Variants in PTPRD observed in about 807,000 individuals in gnomAD.
PTPRD encodes receptor-type tyrosine-protein phosphatase delta.
In PTPRD, 34 loss-of-function variants were observed where a neutral mutation model predicts 214.5. The ratio of observed to expected loss-of-function variants is 0.16; its 90% CI spans 0.12 to 0.21. The LOEUF is 0.21. Ranked by LOEUF, PTPRD falls within the 10% of genes least tolerant of loss-of-function variation. The pLI is 1.00. For synonymous variants in PTPRD, 1,128 were observed against 845.7 expected, an observed-to-expected ratio of 1.33 and a Z score of -5.79; for missense variants, 2,545 against 2,398.7, an observed-to-expected ratio of 1.06 and a Z score of -1.27.
intron 2 of PTPRD, among the ~76,000 whole-genome samples, chr9:10,381,639 C>G (rs1286065766): frequency 1.3e-5 from 2 of 151,964 alleles, no homozygotes; most frequent in Admixed American, 1.3e-4. Flanking sequence ...GGAGAGGGAT[C>G]ACTTTATTCT....
chr9:10,010,882 C>T (rs2096584166), intron 4 of PTPRD, among the ~76,000 whole-genome samples: 1 of 151,344 alleles, frequency 6.6e-6, no homozygotes, highest in Non-Finnish European at 1.5e-5. Context: ...AATAATTGTT[C>T]TAGTCAAAAG....
intron 10 of PTPRD, among the ~76,000 whole-genome samples, chr9:9,176,869 G>C (rs145936653): frequency 0.011 from 1,677 of 152,108 alleles, 21 homozygotes; most frequent in Non-Finnish European, 0.017. Context: ...CTCATGCGGG[G>C]GTATTGTGTT....
rs374337797 is a variant in PTPRD, at chr9:9,043,299, A to G, written c.-142-24564T>C. ...CTTATATTAACTGTAGGTCATTTTTAATACCTGATGCTACATCAACCCACA... is the reference window on the plus strand; with the variant it reads ...CTTATATTAACTGTAGGTCATTTTTGATACCTGATGCTACATCAACCCACA... On this transcript the variant is annotated intron_variant, in intron 10 of 45. Transcript: ENST00000381196. Among the ~76,000 whole-genome samples the G allele has an allele frequency of 3.9e-5, 6 of 152,286 alleles. No individual in the cohort carries two copies. In the South Asian group the frequency reaches 1.2e-3, roughly 32 times the overall value.
chr9:9,076,038 G>C (rs750787868), intron 10 of PTPRD, among the ~76,000 whole-genome samples: 7 of 152,108 alleles, frequency 4.6e-5, no homozygotes, highest in Non-Finnish European at 1.0e-4. Flanking sequence ...CAGTGTAAAA[G>C]TGTTCCTATT....
rs71317383 is a variant in PTPRD, at chr9:8,933,340, GTTTTTTTTTT to G, written c.-104+85347_-104+85356del. On this transcript the variant is annotated intron_variant, in intron 11 of 45. Coordinates refer to ENST00000381196, the MANE Select transcript of PTPRD (RefSeq NM_002839.4). ...CCATCTTGCCAGCCACAACCTTGAG[GTTTTTTTTTT>G]TTTTTTTTTTTTTACATAAAAGGAC... Among the ~76,000 whole-genome samples the G allele has an allele frequency of 5.0e-5, 4 of 80,440 alleles. 1 individual carries two copies. The South Asian group carries it at 2.1e-3, about 42-fold the overall frequency. The allele number at this position is 80,440 out of a possible 152,430, so 52.8% of individuals were successfully genotyped here. A position where few individuals can be genotyped will look rare whatever the true frequency, so the allele number is the denominator to read the frequency against.
intron 2 of PTPRD, among the ~76,000 whole-genome samples, chr9:10,373,050 C>T (rs1358933782): frequency 6.6e-6 from 1 of 150,824 alleles, no homozygotes; most frequent in Non-Finnish European, 1.5e-5. Flanking sequence ...CCAGACTGGT[C>T]TCAAACTCCT....
rs75047924 is a variant in PTPRD, at chr9:10,127,897, A to G, written c.-544-94107T>C. On this transcript the variant is annotated intron_variant, in intron 3 of 45. Coordinates refer to ENST00000381196, the MANE Select transcript of PTPRD (RefSeq NM_002839.4). ...ATTCCCCGTCACTATCACAGAGATCAGTGGGGTATATAGGGTGTGGAGAAT... is the reference window on the plus strand; with the variant it reads ...ATTCCCCGTCACTATCACAGAGATCGGTGGGGTATATAGGGTGTGGAGAAT... Among the ~76,000 whole-genome samples the G allele has an allele frequency of 2.5e-3, 388 of 152,288 alleles. 2 individuals are homozygous for G. The highest frequency in any genetic ancestry group is 4.5e-3 in the Non-Finnish European group (309 of 68,020).
intron 11 of PTPRD, among the ~76,000 whole-genome samples, chr9:8,743,114 A>AAAG (rs1555254319): frequency 7.6e-6 from 1 of 132,018 alleles, no homozygotes; most frequent in African/African-American, 2.8e-5. Flanking sequence ...TAAAAAAAAA[A>AAAG]GGGGGGGGGG....
At chr9:9,556,826 T>C (rs976102982) in intron 8 of PTPRD, among the ~76,000 whole-genome samples, 15 of 152,132 alleles carry the variant, frequency 9.9e-5, no homozygotes, top group African/African-American at 3.4e-4. Flanking sequence ...GCCTCAAAGA[T>C]TTCTCAGTGC....
At chr9:10,232,101 C>G (rs1349765251) in intron 3 of PTPRD, among the ~76,000 whole-genome samples, 4 of 150,656 alleles carry the variant, frequency 2.7e-5, no homozygotes, top group African/African-American at 7.3e-5. Flanking sequence ...TCTGCTTCCC[C>G]TTTGACCTTC....
At chr9:9,790,194 A>T (rs2098957620) in intron 5 of PTPRD, among the ~76,000 whole-genome samples, 1 of 152,174 alleles carries the variant, frequency 6.6e-6, no homozygotes, top group Non-Finnish European at 1.5e-5. Flanking sequence ...CATAGCCTTA[A>T]AAAGTGAATG....
chr9:8,769,436 T>C (rs985857647), intron 11 of PTPRD, among the ~76,000 whole-genome samples: 2 of 152,198 alleles, frequency 1.3e-5, no homozygotes, highest in Admixed American at 6.5e-5. Flanking sequence ...GCATCATCAA[T>C]CAATATTTAT....
intron 9 of PTPRD, among the ~76,000 whole-genome samples, chr9:9,315,245 T>C (rs1962041667): frequency 6.6e-6 from 1 of 151,986 alleles, no homozygotes; most frequent in Admixed American, 6.6e-5. Context: ...TATATCCTTA[T>C]CTGAAGTATT....
At chr9:9,669,434 T>G (rs2096784110) in intron 7 of PTPRD, among the ~76,000 whole-genome samples, 1 of 152,084 alleles carries the variant, frequency 6.6e-6, no homozygotes, top group Admixed American at 6.6e-5. Flanking sequence ...AAGATCAAAG[T>G]GGTGCATCAA....
At chr9:9,052,141 G>C (rs534825196) in intron 10 of PTPRD, among the ~76,000 whole-genome samples, 2 of 152,268 alleles carry the variant, frequency 1.3e-5, no homozygotes, top group South Asian at 4.1e-4. Flanking sequence ...TTCACAGATG[G>C]CACCTTCTCG....
At chr9:9,474,417 C>G (rs1323580178) in intron 8 of PTPRD, among the ~76,000 whole-genome samples, 2 of 152,000 alleles carry the variant, frequency 1.3e-5, no homozygotes, top group Admixed American at 6.6e-5. Flanking sequence ...ATTGCTTTGG[C>G]TATTCAAGGA....
intron 9 of PTPRD, among the ~76,000 whole-genome samples, chr9:9,255,819 C>A (rs572020438): frequency 1.5e-4 from 23 of 152,128 alleles, no homozygotes; most frequent in African/African-American, 5.1e-4. Flanking sequence ...TGACTGTATA[C>A]TTCATACCCA....
At chr9:8,808,715 T>C (rs1007797051) in intron 11 of PTPRD, among the ~76,000 whole-genome samples, 2 of 152,092 alleles carry the variant, frequency 1.3e-5, no homozygotes, top group African/African-American at 2.4e-5. Flanking sequence ...GAAATGTATA[T>C]ATGTTCTACA....
intron 4 of PTPRD, among the ~76,000 whole-genome samples, chr9:10,023,019 T>C (rs909989982): frequency 2.0e-5 from 3 of 152,210 alleles, no homozygotes; most frequent in Admixed American, 6.5e-5. Flanking sequence ...GACGCATATA[T>C]TCTTTGTCCA....
Sources: gnomAD v4.1 joint callset for allele counts (sites outside exome capture counted in the v4.1 genomes callset) on GRCh38, gnomAD v4.1.1 for gene constraint, MANE v1.5 for transcripts, NCBI Gene and HGNC (gene_info 2026-07-23, HGNC 2026-07-21) for gene names.